The following FBXL4 variants were observed in gnomAD, a reference collection of about 807,000 sequenced individuals.
FBXL4 encodes the protein F-box and leucine rich repeat protein 4, also known as F-box/LRR-repeat protein 4.
FBXL4 carries 40 observed loss-of-function variants against 58.9 expected under a neutral mutation model. That is an observed-to-expected ratio of 0.68 (90% CI 0.53 to 0.88). The LOEUF (loss-of-function observed/expected upper bound fraction) is 0.88. FBXL4 is among the 40% of genes least tolerant of loss of function. The pLI is 0.00. For missense variants in FBXL4, 676 were observed against 734.4 expected, an observed-to-expected ratio of 0.92 and a Z score of 0.92; for synonymous variants, 263 against 265.5, an observed-to-expected ratio of 0.99 and a Z score of 0.09.
At chr6:98,876,164 C>T (rs911440993) in intron 8 of FBXL4, among the ~76,000 whole-genome samples, 1 of 152,126 alleles carries the variant, frequency 6.6e-6, no homozygotes, top group Non-Finnish European at 1.5e-5. Flanking sequence ...GGCTCTAAAA[C>T]ACTATGTGGA....
intron 1 of FBXL4, among the ~76,000 whole-genome samples, chr6:98,946,928 G>C (rs1167963239): frequency 6.6e-6 from 1 of 152,068 alleles, no homozygotes; most frequent in Non-Finnish European, 1.5e-5. Flanking sequence ...GAGCCTGAAA[G>C]AAAAAAATAT....
At chr6:98,911,033 ACCTGGCTCGGAGGGT>A (rs61150270) in intron 5 of FBXL4, among the ~76,000 whole-genome samples, 54,395 of 151,764 alleles carry the variant, frequency 0.36, 10,237 homozygotes, top group Middle Eastern at 0.44. Flanking sequence ...TATATCCCGC[ACCTGGCTCGGAGGGT>A]CCTACGCCCA....
intron 5 of FBXL4, among the ~76,000 whole-genome samples, chr6:98,915,093 C>T (rs1772282074): frequency 6.6e-6 from 1 of 152,192 alleles, no homozygotes; most frequent in Middle Eastern, 3.4e-3. Flanking sequence ...AATAAAATAC[C>T]TAGGAATCCA....
At chr6:98,890,862 G>A (rs1562222361) in intron 7 of FBXL4, among the ~76,000 whole-genome samples, 3 of 151,908 alleles carry the variant, frequency 2.0e-5, no homozygotes, top group East Asian at 1.9e-4. Context: ...GAGGTTGCAG[G>A]GAGCCAAGAT....
At chr6:98,883,579 C>T (rs1163493960) in intron 7 of FBXL4, among the ~76,000 whole-genome samples, 1 of 151,566 alleles carries the variant, frequency 6.6e-6, no homozygotes, top group Non-Finnish European at 1.5e-5. Flanking sequence ...AGGTTTTTAA[C>T]CCAACTACAA....
chr6:98,943,554 T>C (rs1331145029), intron 1 of FBXL4, among the ~76,000 whole-genome samples: 1 of 118,670 alleles, frequency 8.4e-6, no homozygotes, highest in African/African-American at 3.5e-5. Flanking sequence ...CACTCCAGCA[T>C]GGGTGACAGA....
At chr6:98,930,092 C>T (rs1772956151) in intron 2 of FBXL4, among the ~76,000 whole-genome samples, 1 of 152,168 alleles carries the variant, frequency 6.6e-6, no homozygotes, top group Admixed American at 6.5e-5. Context: ...CAGACTAAAC[C>T]TTTACTAATG....
intron 2 of FBXL4, among the ~76,000 whole-genome samples, chr6:98,931,825 A>G (rs1400553565): frequency 6.6e-6 from 1 of 152,212 alleles, no homozygotes; most frequent in Non-Finnish European, 1.5e-5. Context: ...AATGAAGCTG[A>G]AAAAGGGAAT....
chr6:98,938,851 G>T (rs1423574760), intron 1 of FBXL4, among the ~76,000 whole-genome samples: 2 of 151,908 alleles, frequency 1.3e-5, no homozygotes, highest in East Asian at 3.9e-4. Flanking sequence ...GGGAGGCCAA[G>T]GCAGAAGGAT....
intron 7 of FBXL4, among the ~76,000 whole-genome samples, chr6:98,890,685 G>A (rs1771193696): frequency 2.0e-5 from 3 of 152,162 alleles, no homozygotes; most frequent in Non-Finnish European, 2.9e-5. Context: ...TTGGGAGGCT[G>A]AGGCCGGCAG....
At chr6:98,883,876 G>A (rs1770938499) in intron 7 of FBXL4, among the ~76,000 whole-genome samples, 1 of 150,812 alleles carries the variant, frequency 6.6e-6, no homozygotes, top group Non-Finnish European at 1.5e-5. Flanking sequence ...TTGGCCCTTT[G>A]CTCTTTCATG....
intron 5 of FBXL4, among the ~76,000 whole-genome samples, chr6:98,907,445 T>A (rs1303652736): frequency 6.6e-6 from 1 of 152,152 alleles, no homozygotes; most frequent in African/African-American, 2.4e-5. Flanking sequence ...CAGCTGGCAG[T>A]GATGATGGAG....
chr6:98,932,492 T>C (rs529548750), intron 2 of FBXL4, among the ~76,000 whole-genome samples: 1 of 152,138 alleles, frequency 6.6e-6, no homozygotes, highest in East Asian at 1.9e-4. Flanking sequence ...GCAGTAATAG[T>C]GGAAAAGAGA....
chr6:98,912,113 G>A (rs1772102940), intron 5 of FBXL4, among the ~76,000 whole-genome samples: 1 of 152,074 alleles, frequency 6.6e-6, no homozygotes, highest in Non-Finnish European at 1.5e-5. Flanking sequence ...AAGCGAGAAG[G>A]GATGTTTAGA....
chr6:98,918,599 CTCATA>C (rs1562241071), intron 4 of FBXL4, among the ~76,000 whole-genome samples: 1 of 152,008 alleles, frequency 6.6e-6, no homozygotes, highest in Admixed American at 6.6e-5. Context: ...ACTTAATATA[CTCATA>C]TGTCAGTTAA....
chr6:98,887,896 G>C (rs1771095345), intron 7 of FBXL4, among the ~76,000 whole-genome samples: 1 of 152,334 alleles, frequency 6.6e-6, no homozygotes, highest in African/African-American at 2.4e-5. Flanking sequence ...CTCCAGCAAA[G>C]CTCATCAGCA....
At chr6:98,937,887 T>A (rs1489478631) in intron 1 of FBXL4, among the ~76,000 whole-genome samples, 1 of 152,176 alleles carries the variant, frequency 6.6e-6, no homozygotes, top group Non-Finnish European at 1.5e-5. Flanking sequence ...GCACTGCCTC[T>A]TTTATGTCTT....
intron 8 of FBXL4, among the ~76,000 whole-genome samples, chr6:98,880,072 T>C (rs1244923251): frequency 2.0e-5 from 3 of 152,034 alleles, no homozygotes; most frequent in Non-Finnish European, 2.9e-5. Flanking sequence ...ACATAGGGTG[T>C]TAATCTTTCT....
At position 98,926,795 on chromosome 6, in the gene FBXL4, T is replaced by C. The variant is rs769971096; in HGVS notation, c.194A>G (p.Tyr65Cys). The C allele has an allele frequency of 1.2e-6, 2 of 1,614,038 alleles. No homozygotes were observed. The highest frequency in any genetic ancestry group is 2.7e-5 in the African/African-American group (2 of 74,928). ...AKEVVDFSSH[Y>C]GSENSMSYTM... Reference sequence around the variant, plus strand: ...ATAGGACATACTATTCTCACTTCCATAATGGGAACTGAAATCCACTACTTC... The same window carrying C: ...ATAGGACATACTATTCTCACTTCCACAATGGGAACTGAAATCCACTACTTC... Residue 65 changes from tyrosine to cysteine, a missense_variant, in exon 4 of 10, where the codon TAT becomes TGT. Tyr to Cys is a radical substitution (Grantham distance 194). Coordinates refer to ENST00000369244, the MANE Select transcript of FBXL4 (RefSeq NM_001278716.2).
Sources: allele counts gnomAD v4.1 joint callset (sites outside exome capture counted in the v4.1 genomes callset), GRCh38; gene constraint gnomAD v4.1.1; transcripts MANE v1.5; gene names NCBI Gene and HGNC (gene_info 2026-07-23, HGNC 2026-07-21).